Variants in RBFOX1 observed in about 807,000 individuals in gnomAD.
RBFOX1 encodes the protein RNA binding protein fox-1 homolog 1.
RBFOX1 carries 8 observed loss-of-function variants against 57.7 expected under a neutral mutation model. That is an observed-to-expected ratio of 0.14 (90% CI 0.08 to 0.25). RBFOX1 has a LOEUF of 0.25. RBFOX1 is among the 10% of genes least tolerant of loss of function. The pLI is 1.00. For missense variants in RBFOX1, 611 were observed against 548.5 expected (o/e 1.11, Z -1.14); for synonymous variants, 326 against 222.4 (o/e 1.47, Z -4.15).
intron 3 of RBFOX1, among the ~76,000 whole-genome samples, chr16:7,010,116 A>C (rs558262208): frequency 1.3e-5 from 2 of 152,230 alleles, no homozygotes; most frequent in Non-Finnish European, 2.9e-5. Flanking sequence ...CATGAACTCT[A>C]TTCTTTGCTG....
chr16:5,244,654 G>T (rs995914415), intron 1 of RBFOX1, among the ~76,000 whole-genome samples: 1 of 152,234 alleles, frequency 6.6e-6, no homozygotes, highest in Non-Finnish European at 1.5e-5. Flanking sequence ...GCTGGAACGC[G>T]GTGTGTCTGC....
intron 2 of RBFOX1, among the ~76,000 whole-genome samples, chr16:6,422,608 G>T (rs2093807081): frequency 6.6e-6 from 1 of 152,156 alleles, no homozygotes. Flanking sequence ...TCCAATCATG[G>T]CAGAAGACAA....
At chr16:6,665,351 C>T (rs1040165713) in intron 3 of RBFOX1, among the ~76,000 whole-genome samples, 6 of 152,124 alleles carry the variant, frequency 3.9e-5, no homozygotes, top group Non-Finnish European at 8.8e-5. Flanking sequence ...CGGTGGCTCA[C>T]GCCTATAATG....
chr16:5,579,729 G>A (rs2046596716), intron 2 of RBFOX1, among the ~76,000 whole-genome samples: 1 of 151,496 alleles, frequency 6.6e-6, no homozygotes, highest in Admixed American at 6.6e-5. Context: ...TTATCACACA[G>A]TCATTGCCCA....
At chr16:5,455,672 A>G (rs1208297307) in intron 1 of RBFOX1, among the ~76,000 whole-genome samples, 2 of 152,150 alleles carry the variant, frequency 1.3e-5, no homozygotes, top group African/African-American at 2.4e-5. Flanking sequence ...CTCCATGCAT[A>G]TGATTTTCAG....
At chr16:6,902,648 G>C (rs554268963) in intron 3 of RBFOX1, among the ~76,000 whole-genome samples, 1 of 152,260 alleles carries the variant, frequency 6.6e-6, no homozygotes, top group South Asian at 2.1e-4. Flanking sequence ...CTTGAACCCA[G>C]GAGGCAGAGG....
At chr16:7,126,034 G>T (rs1444652286) in intron 4 of RBFOX1, among the ~76,000 whole-genome samples, 1 of 152,148 alleles carries the variant, frequency 6.6e-6, no homozygotes, top group African/African-American at 2.4e-5. Context: ...AGTGAGCTGA[G>T]ATCGCACCAT....
At chr16:7,512,928 C>T (rs907504114) in intron 4 of RBFOX1, among the ~76,000 whole-genome samples, 3 of 152,170 alleles carry the variant, frequency 2.0e-5, no homozygotes, top group Non-Finnish European at 4.4e-5. Context: ...CAGCTAAACA[C>T]AGGTCCATGG....
chr16:6,641,338 C>G (rs991796985), intron 2 of RBFOX1, among the ~76,000 whole-genome samples: 2 of 152,162 alleles, frequency 1.3e-5, no homozygotes, highest in African/African-American at 4.8e-5. Flanking sequence ...TTCACTCCCT[C>G]CCAACGCTGA....
intron 3 of RBFOX1, among the ~76,000 whole-genome samples, chr16:6,712,849 G>A (rs2063965369): frequency 6.6e-6 from 1 of 150,970 alleles, no homozygotes; most frequent in Non-Finnish European, 1.5e-5. Context: ...TGTCATGGGA[G>A]GGACCCAGTG....
chr16:7,664,757 G>A lies in RBFOX1; in HGVS notation c.891-172G>A, dbSNP rs1050534380. The A allele has an allele frequency of 5.3e-5, 62 of 1,166,894 alleles. 1 individual carries two copies. In the Middle Eastern group the frequency reaches 2.5e-3, roughly 47 times the overall value. 72.3% of individuals were successfully genotyped at this position (1,166,894 alleles called of 1,614,324 possible). A position where few individuals can be genotyped will look rare whatever the true frequency, so the allele number is the denominator to read the frequency against. On this transcript the variant is annotated intron_variant, in intron 12 of 15. Coordinates refer to ENST00000550418, the MANE Select transcript of RBFOX1 (RefSeq NM_018723.4). ...CACCAAAGCCCGGCCTAATTTTCTC[G>A]GTTTGCTCAACTGCCGTTGTCTCCA...
intron 4 of RBFOX1, among the ~76,000 whole-genome samples, chr16:7,187,524 C>G (rs1031208477): frequency 6.6e-6 from 1 of 151,054 alleles, no homozygotes; most frequent in African/African-American, 2.4e-5. Context: ...CCCATCTCTA[C>G]TAAAAATACA....
At chr16:7,534,157 G>A (rs548300908) in intron 5 of RBFOX1, among the ~76,000 whole-genome samples, 3 of 148,434 alleles carry the variant, frequency 2.0e-5, no homozygotes, top group Non-Finnish European at 4.5e-5. Context: ...CTCGATCTCG[G>A]CTCACTGCAG....
At chr16:7,018,098 C>G (rs765893723) in intron 3 of RBFOX1, among the ~76,000 whole-genome samples, 2 of 152,044 alleles carry the variant, frequency 1.3e-5, no homozygotes, top group Non-Finnish European at 2.9e-5. Context: ...GCTGTTTTCT[C>G]TCTGTGGAGC....
intron 4 of RBFOX1, among the ~76,000 whole-genome samples, chr16:7,248,003 C>G (rs1182620660): frequency 6.6e-6 from 1 of 152,056 alleles, no homozygotes. Flanking sequence ...CAAGTTTACC[C>G]AAATAACAAA....
rs146761432 is a variant in RBFOX1, at chr16:6,445,936, A to T, written c.-64+128879A>T. On this transcript the variant is annotated intron_variant, in intron 2 of 15. Transcript: ENST00000550418. ...TTGATTCAGCATCCCTGTTAACTAT[A>T]CACAGAGTAGGTCCTTTCACTTTTT... is the stretch of plus-strand genomic sequence containing the variant. Among the ~76,000 whole-genome samples, 95 of 151,222 alleles carry T rather than the reference A, an allele frequency of 6.3e-4. 1 individual carries two copies. The highest frequency in any genetic ancestry group is 2.1e-3 in the African/African-American group (87 of 41,154).
chr16:7,239,470 G>T lies in RBFOX1; in HGVS notation c.27+187372G>T, dbSNP rs182201645. Among the ~76,000 whole-genome samples, 13 of 152,278 alleles carry T rather than the reference G, an allele frequency of 8.5e-5. No individual in the cohort carries two copies. The East Asian group carries it at 2.3e-3, about 27-fold the overall frequency. ...GCCTAGATCGTGCCACTGCACTCCA[G>T]CCTGGGCAACAGAGCAAGACTGTCT... On this transcript the variant is annotated intron_variant, in intron 4 of 15. Transcript: ENST00000550418.
chr16:6,654,445 A>G (rs905340646), intron 2 of RBFOX1, among the ~76,000 whole-genome samples, 158 bp from the exon 3 acceptor site: 2 of 152,188 alleles, frequency 1.3e-5, no homozygotes, highest in African/African-American at 4.8e-5. Context: ...GTACCTTTAA[A>G]AAGCACTATA....
intron 3 of RBFOX1, among the ~76,000 whole-genome samples, chr16:5,621,357 G>T (rs1567309436): frequency 6.6e-6 from 1 of 152,148 alleles, no homozygotes; most frequent in Non-Finnish European, 1.5e-5. Flanking sequence ...TGAGTTGCTG[G>T]GGGTCATGAT....
Sources: allele counts gnomAD v4.1 joint callset (sites outside exome capture counted in the v4.1 genomes callset), GRCh38; gene constraint gnomAD v4.1.1; transcripts MANE v1.5; gene names NCBI Gene and HGNC (gene_info 2026-07-23, HGNC 2026-07-21).